The following ZDHHC21 variants were observed in gnomAD, a reference collection of about 807,000 sequenced individuals.
ZDHHC21 encodes the protein palmitoyltransferase ZDHHC21.
Under a neutral mutation model 34.6 loss-of-function variants are expected in ZDHHC21, and 15 were observed. That is an observed-to-expected ratio of 0.43 (90% CI 0.29 to 0.67). ZDHHC21 has a LOEUF of 0.67. Ranked by LOEUF, ZDHHC21 falls within the 30% of genes least tolerant of loss-of-function variation. The probability of loss-of-function intolerance (pLI) is 0.14; values close to 1 mark genes in which losing one functional copy is unlikely to be tolerated. For missense variants in ZDHHC21, 344 were observed against 327.7 expected (o/e 1.05, Z -0.38); for synonymous variants, 142 against 101.8 (o/e 1.40, Z -2.38).
chr9:14,605,914 G>C, the ZDHHC21 span, among the ~76,000 whole-genome samples: 1 of 151,988 alleles, frequency 6.6e-6, no homozygotes, highest in African/African-American at 2.4e-5. Flanking sequence ...ATTGAAGTTT[G>C]TAAAAATAAA....
intron 8 of ZDHHC21, among the ~76,000 whole-genome samples, chr9:14,623,738 G>T (rs1247978159): frequency 6.6e-6 from 1 of 151,428 alleles, no homozygotes; most frequent in Non-Finnish European, 1.5e-5. Context: ...ATGAAGAAAT[G>T]TTCAACACCA....
Position 14,662,274 on chromosome 9 carries a change from A to G in ZDHHC21, c.306T>C (p.Arg102=). 1.9e-6 allele frequency: 3 copies of G among 1,613,278 alleles called. No individual in the cohort carries two copies. Among genetic ancestry groups the G allele is most frequent in the Non-Finnish European group, 2.5e-6 (3 of 1,179,708 alleles). The change falls in exon 6 of 10, where the codon CGT becomes CGC. Residue 102 remains arginine (R), a synonymous_variant. Coordinates refer to ENST00000380916, the MANE Select transcript of ZDHHC21 (RefSeq NM_178566.6). ...GGCCGCAGCGGCTACAGTGATGGGAACGCTTTGGTCTCATCAAATTACACT... is the reference window on the plus strand; with the variant it reads ...GGCCGCAGCGGCTACAGTGATGGGAGCGCTTTGGTCTCATCAAATTACACT... ...CNKCNLMRPK[R]SHHCSRCGHC...
chr9:14,673,596 T>C (rs1308034587), intron 4 of ZDHHC21, among the ~76,000 whole-genome samples: 1 of 151,248 alleles, frequency 6.6e-6, no homozygotes, highest in Non-Finnish European at 1.5e-5. Context: ...ACTGACTGCA[T>C]AGTACCGGTC....
intron 5 of ZDHHC21, among the ~76,000 whole-genome samples, chr9:14,670,615 A>C (rs1835273009): frequency 6.6e-6 from 1 of 152,130 alleles, no homozygotes. Flanking sequence ...TTATTTGCTA[A>C]TCTATGGTCT....
chr9:14,660,280 C>A (rs546914466), intron 6 of ZDHHC21, among the ~76,000 whole-genome samples: 2 of 144,838 alleles, frequency 1.4e-5, no homozygotes, highest in Non-Finnish European at 3.0e-5. Flanking sequence ...GCAGGAGAAT[C>A]ACTTGAGGCC....
chr9:14,615,976 A>G lies in ZDHHC21; in HGVS notation c.*2990T>C, dbSNP rs1354982411. On this transcript the variant is annotated 3_prime_UTR_variant, in exon 10 of 10. Transcript: ENST00000380916. ...AGTTGTTTTCAGTTATCCAGAATAC[A>G]TAAGAAATTGTTACTAAAACTATAG... The G allele has an allele frequency of 6.6e-6, 1 of 151,704 alleles. No homozygotes were observed. The highest frequency in any genetic ancestry group is 1.9e-4 in the East Asian group (1 of 5,164). 9.4% of individuals were successfully genotyped at this position (151,704 alleles called of 1,614,324 possible).
intron 3 of ZDHHC21, among the ~76,000 whole-genome samples, chr9:14,679,292 T>C (rs1189720577): frequency 6.6e-6 from 1 of 152,218 alleles, no homozygotes; most frequent in Non-Finnish European, 1.5e-5. Context: ...CAGATGAGTA[T>C]GTGCTGAAAT....
chr9:14,673,554 G>A (rs997768705), intron 4 of ZDHHC21, among the ~76,000 whole-genome samples: 3 of 151,542 alleles, frequency 2.0e-5, no homozygotes, highest in African/African-American at 7.3e-5. Context: ...TACTGTACAT[G>A]TAAAGGGAAT....
intron 8 of ZDHHC21, among the ~76,000 whole-genome samples, chr9:14,639,025 A>C (rs961018481): frequency 1.3e-5 from 2 of 152,110 alleles, no homozygotes; most frequent in Admixed American, 6.5e-5. Context: ...AGGAAAAAAA[A>C]CAATCAGTAT....
intron 5 of ZDHHC21, among the ~76,000 whole-genome samples, chr9:14,665,967 C>A (rs1834357707): frequency 6.7e-6 from 1 of 149,610 alleles, no homozygotes; most frequent in South Asian, 2.1e-4. Flanking sequence ...CAGCTATCAT[C>A]ATAATGACAG....
At chr9:14,630,493 C>G (rs552821621) in intron 8 of ZDHHC21, among the ~76,000 whole-genome samples, 1 of 152,282 alleles carries the variant, frequency 6.6e-6, no homozygotes, top group African/African-American at 2.4e-5. Context: ...TCAACTTCTT[C>G]CAAACTCCCG....
intron 8 of ZDHHC21, among the ~76,000 whole-genome samples, chr9:14,632,062 CAA>C (rs1554757655): frequency 0.1 from 14,772 of 147,126 alleles, 912 homozygotes; most frequent in African/African-American, 0.18. Context: ...AAAACACACA[CAA>C]ACACACACAC....
At chr9:14,662,471 T>G (rs938006887) in intron 5 of ZDHHC21, 145 bp from the exon 6 acceptor site, 4 of 580,046 alleles carry the variant, frequency 6.9e-6, no homozygotes, top group Non-Finnish European at 1.2e-5. Flanking sequence ...ATAAATGTGT[T>G]TGCCATAAAT....
At chr9:14,608,942 T>C (rs1431385987), downstream of ZDHHC21, among the ~76,000 whole-genome samples, 1 of 152,170 alleles carries the variant, frequency 6.6e-6, no homozygotes, top group Non-Finnish European at 1.5e-5. Flanking sequence ...CTGTAAAGGA[T>C]ACATATTTTA....
intron 2 of ZDHHC21, 111 bp downstream of exon 2, chr9:14,690,226 A>G: frequency 2.6e-6 from 1 of 388,464 alleles, no homozygotes; most frequent in Non-Finnish European, 5.0e-6. Flanking sequence ...ACCAAGAGAG[A>G]TTGGTGGGGG....
rs1259459548 is a variant in ZDHHC21, at chr9:14,612,152, A to G, written c.*6814T>C. 6.6e-6 allele frequency: 1 copy of G among 152,082 alleles called. No homozygotes were observed. Among genetic ancestry groups the G allele is most frequent in the Non-Finnish European group, 1.5e-5 (1 of 67,960 alleles). The allele number at this position is 152,082 out of a possible 1,614,324, so 9.4% of individuals were successfully genotyped here. A position where few individuals can be genotyped will look rare whatever the true frequency, so the allele number is the denominator to read the frequency against. ...TTCACCTCTAATGATATGTTCATCT[A>G]GATTTCTACATATCGTTCAAATGAT... On this transcript the variant is annotated 3_prime_UTR_variant, in exon 10 of 10. Coordinates refer to ENST00000380916, the MANE Select transcript of ZDHHC21 (RefSeq NM_178566.6).
At chr9:14,653,193 A>G (rs1564301361) in intron 7 of ZDHHC21, among the ~76,000 whole-genome samples, 2 of 151,984 alleles carry the variant, frequency 1.3e-5, no homozygotes, top group Non-Finnish European at 2.9e-5. Context: ...CTTTATTCAC[A>G]CATAGTTTTA....
At chr9:14,610,174 T>G (rs1823156142), downstream of ZDHHC21, among the ~76,000 whole-genome samples, 1 of 151,984 alleles carries the variant, frequency 6.6e-6, no homozygotes, top group Admixed American at 6.6e-5. Flanking sequence ...CTGATAAACA[T>G]AACTTACATA....
intron 7 of ZDHHC21, among the ~76,000 whole-genome samples, chr9:14,641,763 T>C (rs1829418464): frequency 6.6e-6 from 1 of 152,234 alleles, no homozygotes; most frequent in Non-Finnish European, 1.5e-5. Context: ...CTTCAGGTCT[T>C]TCTCAAGGTA....
Sources: allele counts gnomAD v4.1 joint callset (sites outside exome capture counted in the v4.1 genomes callset), GRCh38; gene constraint gnomAD v4.1.1; transcripts MANE v1.5; gene names NCBI Gene and HGNC (gene_info 2026-07-23, HGNC 2026-07-21).